The following BMPR1B variants were observed in gnomAD, a reference collection of about 807,000 sequenced individuals.
The protein encoded by BMPR1B is bone morphogenetic protein receptor type-1B.
In BMPR1B, 12 loss-of-function variants were observed where a neutral mutation model predicts 59.1. That is an observed-to-expected ratio of 0.20 (90% confidence interval 0.13 to 0.33). BMPR1B has a LOEUF of 0.33. Ranked by LOEUF, BMPR1B falls within the 10% of genes least tolerant of loss-of-function variation. The pLI is 1.00. For synonymous variants in BMPR1B, 237 were observed against 207.3 expected, an observed-to-expected ratio of 1.14 and a Z score of -1.23; for missense variants, 550 against 610.9, an observed-to-expected ratio of 0.90 and a Z score of 1.05.
At chr4:94,869,397 A>G (rs1469806770) in intron 1 of BMPR1B, among the ~76,000 whole-genome samples, 1 of 149,836 alleles carries the variant, frequency 6.7e-6, no homozygotes, top group African/African-American at 2.5e-5. Flanking sequence ...TCACATGCTG[A>G]AATACCTTTT....
Position 95,123,862 on chromosome 4 carries a change from C to T in BMPR1B, c.402C>T (p.Val134=). 1 of 1,612,256 alleles carries T rather than the reference C, an allele frequency of 6.2e-7. No individual in the cohort carries two copies. Residue 134 remains valine (V), a synonymous_variant, in exon 7 of 13, where the codon GTC becomes GTT. Coordinates refer to ENST00000515059, the MANE Select transcript of BMPR1B (RefSeq NM_001203.3). ...GGGCTTTACTTATATCTGTGACTGT[C>T]TGTAGTTTGCTCTTGGTCCTTATCA... The part of the protein sequence containing the change: ...HHRALLISVT[V]CSLLLVLIIL...
intron 2 of BMPR1B, among the ~76,000 whole-genome samples, chr4:94,895,984 G>T (rs1727571181): frequency 6.6e-6 from 1 of 151,892 alleles, no homozygotes. Context: ...CACTTTTTGT[G>T]AACTTTCTCA....
At chr4:94,920,030 T>A (rs777056840) in intron 2 of BMPR1B, among the ~76,000 whole-genome samples, 2 of 152,154 alleles carry the variant, frequency 1.3e-5, no homozygotes, top group Non-Finnish European at 2.9e-5. Flanking sequence ...TTAAAAGTAT[T>A]TTCTTGCAAG....
chr4:95,141,200 C>T (rs1031290622), intron 10 of BMPR1B, among the ~76,000 whole-genome samples: 1 of 152,168 alleles, frequency 6.6e-6, no homozygotes, highest in Non-Finnish European at 1.5e-5. Flanking sequence ...GTTTGCTCTT[C>T]TCAGTTTTTG....
intron 1 of BMPR1B, among the ~76,000 whole-genome samples, chr4:94,785,907 C>A (rs868180445): frequency 2.6e-5 from 4 of 152,080 alleles, no homozygotes; most frequent in Middle Eastern, 3.2e-3. Context: ...GAAAATAGCC[C>A]TACTTTCTCT....
At chr4:95,025,555 G>C (rs1578948113) in intron 3 of BMPR1B, among the ~76,000 whole-genome samples, 3 of 152,284 alleles carry the variant, frequency 2.0e-5, no homozygotes, top group African/African-American at 4.8e-5. Context: ...GTAGTGTAAA[G>C]TATGATGATT....
chr4:94,860,259 G>A (rs1222433862), intron 1 of BMPR1B, among the ~76,000 whole-genome samples: 1 of 152,110 alleles, frequency 6.6e-6, no homozygotes, highest in Non-Finnish European at 1.5e-5. Flanking sequence ...TCTGAAAATT[G>A]GATGATATAT....
chr4:94,830,610 G>T (rs1217136401), intron 1 of BMPR1B, among the ~76,000 whole-genome samples: 1 of 152,152 alleles, frequency 6.6e-6, no homozygotes, highest in African/African-American at 2.4e-5. Context: ...ATCTGAAATA[G>T]TAGAGGTGGA....
At position 94,967,193 on chromosome 4, in the gene BMPR1B, G is replaced by T. The variant is rs183732086; in HGVS notation, c.-112-28847G>T. On this transcript the variant is annotated intron_variant, in intron 2 of 12. Coordinates refer to ENST00000515059, the MANE Select transcript of BMPR1B (RefSeq NM_001203.3). ...TCCTCACATATTTTTATATAAGAAA[G>T]CCTTTGTAAACCTTTTGTGCACTCT... Among the ~76,000 whole-genome samples the T allele has an allele frequency of 3.5e-3, 533 of 152,246 alleles. 2 individuals carry two copies. The highest frequency in any genetic ancestry group is 0.012 in the African/African-American group (507 of 41,538).
chr4:94,838,775 T>A (rs1231732685), intron 1 of BMPR1B, among the ~76,000 whole-genome samples: 2 of 130,910 alleles, frequency 1.5e-5, no homozygotes, highest in Non-Finnish European at 3.3e-5. Flanking sequence ...TCTGCTCTGA[T>A]TTTAGTTATT....
intron 2 of BMPR1B, among the ~76,000 whole-genome samples, chr4:94,944,306 A>T (rs538707426): frequency 6.6e-6 from 1 of 152,246 alleles, no homozygotes; most frequent in Non-Finnish European, 1.5e-5. Flanking sequence ...TCTCACTTGG[A>T]AATTGTTTAT....
At position 95,156,685 on chromosome 4, in the gene BMPR1B, A is replaced by T. The variant is rs1735446821; in HGVS notation, c.*2012A>T. ...AAAAAAATTGTGTTTTTAAAGAGTG[A>T]AAACAGTTAGAAAACAAGTAGAACT... On this transcript the variant is annotated 3_prime_UTR_variant, in exon 13 of 13. Coordinates refer to ENST00000515059, the MANE Select transcript of BMPR1B (RefSeq NM_001203.3). The T allele has an allele frequency of 2.6e-5, 4 of 152,306 alleles. No homozygotes were observed. The Middle Eastern group carries it at 0.014, about 518-fold the overall frequency. 9.4% of individuals were successfully genotyped at this position (152,306 alleles called of 1,614,324 possible).
chr4:94,966,442 A>T (rs1168272571), intron 2 of BMPR1B, among the ~76,000 whole-genome samples: 3 of 152,212 alleles, frequency 2.0e-5, no homozygotes, highest in Non-Finnish European at 2.9e-5. Flanking sequence ...TTTAGAAGAA[A>T]GTAGAACATT....
At chr4:94,824,557 A>C (rs965640439) in intron 1 of BMPR1B, among the ~76,000 whole-genome samples, 1 of 152,240 alleles carries the variant, frequency 6.6e-6, no homozygotes. Flanking sequence ...ATTTTCTAAA[A>C]AGCTCATTTG....
At chr4:95,132,958 C>A (rs1264411370) in intron 10 of BMPR1B, among the ~76,000 whole-genome samples, 1 of 152,192 alleles carries the variant, frequency 6.6e-6, no homozygotes, top group Non-Finnish European at 1.5e-5. Flanking sequence ...TCCTTTCTCT[C>A]TCTCCACTGG....
rs971619255 is a variant in BMPR1B at position 95,099,218 on chromosome 4, G to C, written c.-17-5190G>C. ...GGAATACCATCATGAAGATTAGCTA[G>C]AGAAGTTCCTTCTTGGCTCGATTCT... On this transcript the variant is annotated intron_variant, in intron 3 of 12. Coordinates refer to ENST00000515059, the MANE Select transcript of BMPR1B (RefSeq NM_001203.3). Among the ~76,000 whole-genome samples the C allele has an allele frequency of 1.1e-4, 16 of 152,284 alleles. No individual in the cohort carries two copies. In the East Asian group the frequency reaches 2.9e-3, roughly 28 times the overall value.
intron 8 of BMPR1B, among the ~76,000 whole-genome samples, chr4:95,125,991 C>CATTGGATAATATATCCA (rs1207881084): frequency 1.1e-4 from 17 of 152,098 alleles, no homozygotes; most frequent in Admixed American, 1.0e-3. Flanking sequence ...AACATATATC[C>CATTGGATAATATATCCA]ACGTCATTGC....
At chr4:95,110,156 A>G (rs1442703678) in intron 4 of BMPR1B, among the ~76,000 whole-genome samples, 1 of 151,934 alleles carries the variant, frequency 6.6e-6, no homozygotes, top group Non-Finnish European at 1.5e-5. Flanking sequence ...GAGACAATGT[A>G]GGATTTATCA....
intron 6 of BMPR1B, among the ~76,000 whole-genome samples, chr4:95,121,839 A>G (rs1228465802): frequency 2.0e-5 from 3 of 152,192 alleles, no homozygotes; most frequent in South Asian, 2.1e-4. Flanking sequence ...CTTAAAATAT[A>G]TATCTTATGA....
Sources: allele counts gnomAD v4.1 joint callset (sites outside exome capture counted in the v4.1 genomes callset), GRCh38; gene constraint gnomAD v4.1.1; transcripts MANE v1.5; gene names NCBI Gene and HGNC (gene_info 2026-07-23, HGNC 2026-07-21).